ME1: variants seen among roughly 807,000 people sequenced by gnomAD.
ME1 encodes the protein malic enzyme 1, also known as NADP-dependent malic enzyme.
In ME1, 74 loss-of-function variants were observed where a neutral mutation model predicts 66.4. That is an observed-to-expected ratio of 1.11 (90% CI 0.92 to 1.35). The LOEUF (loss-of-function observed/expected upper bound fraction) is 1.35, where lower values mean the gene tolerates loss of function less well. ME1 is among the 40% of genes most tolerant of loss of function. The probability of loss-of-function intolerance (pLI) is 0.00; values close to 1 mark genes in which losing one functional copy is unlikely to be tolerated. For missense variants in ME1, 750 were observed against 694.1 expected (o/e 1.08, Z -0.90); for synonymous variants, 251 against 235.6 (o/e 1.07, Z -0.60).
At chr6:83,255,931 T>A (rs1766760418) in intron 6 of ME1, among the ~76,000 whole-genome samples, 1 of 152,212 alleles carries the variant, frequency 6.6e-6, no homozygotes, top group Admixed American at 6.5e-5. Context: ...CTAACAGTAA[T>A]GATTAGTCTT....
At chr6:83,422,398 A>C (rs957715960) in intron 1 of ME1, among the ~76,000 whole-genome samples, 1 of 152,226 alleles carries the variant, frequency 6.6e-6, no homozygotes, top group Non-Finnish European at 1.5e-5. Context: ...CTTAAGATAC[A>C]ACTGACAGCT....
In ME1 at chr6:83,239,554, G is replaced by A. The variant is rs756085813; in HGVS notation, c.897C>T (p.Phe299=). The change falls in exon 8 of 14, where the codon TTC becomes TTT. Residue 299 remains phenylalanine (F), a synonymous_variant. Transcript: ENST00000369705. ...AGGCAAATACCTCTCCAGCTCCTTG[G>A]AATAGTATTGTTTGATCAGACAGTT... ...KNKLSDQTIL[F]QGAGEAALGI... 3.7e-6 allele frequency: 6 copies of A among 1,612,352 alleles called. No homozygotes were observed. The Admixed American group carries it at 1.0e-4, about 27-fold the overall frequency.
intron 7 of ME1, among the ~76,000 whole-genome samples, chr6:83,248,748 A>C (rs953234905): frequency 6.6e-6 from 1 of 152,168 alleles, no homozygotes; most frequent in Non-Finnish European, 1.5e-5. Flanking sequence ...TTTGCCTTCT[A>C]CGATGATTGT....
chr6:83,392,778 C>T, intron 3 of ME1: 1 of 684,572 alleles, frequency 1.5e-6, no homozygotes, highest in African/African-American at 1.8e-5. Context: ...CGGTCATCAT[C>T]TCTGCACCCT....
intron 6 of ME1, among the ~76,000 whole-genome samples, chr6:83,301,301 C>CTTCT (rs1165136786): frequency 6.2e-5 from 9 of 146,198 alleles, no homozygotes; most frequent in Admixed American, 2.7e-4. Context: ...CCTTTCTTTC[C>CTTCT]TTCTTTCTTT....
chr6:83,372,913 G>A (rs897720775), intron 3 of ME1, among the ~76,000 whole-genome samples: 8 of 152,186 alleles, frequency 5.3e-5, no homozygotes, highest in African/African-American at 1.7e-4. Flanking sequence ...CCACCGGAAA[G>A]AAAGAAATAT....
At chr6:83,249,846 T>C (rs916460414) in intron 7 of ME1, among the ~76,000 whole-genome samples, 1 of 152,158 alleles carries the variant, frequency 6.6e-6, no homozygotes, top group African/African-American at 2.4e-5. Flanking sequence ...TTCAACCCCA[T>C]TGGAATGTCT....
intron 5 of ME1, among the ~76,000 whole-genome samples, chr6:83,323,045 C>T (rs1213222199): frequency 6.6e-6 from 1 of 152,140 alleles, no homozygotes; most frequent in Non-Finnish European, 1.5e-5. Context: ...ATTTCATATA[C>T]AGCCAAGATA....
At chr6:83,281,330 AAAC>A (rs1490437358) in intron 6 of ME1, among the ~76,000 whole-genome samples, 1 of 152,218 alleles carries the variant, frequency 6.6e-6, no homozygotes, top group Non-Finnish European at 1.5e-5. Context: ...GGCACTTAAA[AAAC>A]AACAATTACT....
intron 7 of ME1, among the ~76,000 whole-genome samples, chr6:83,240,328 C>T (rs7747438): frequency 6.6e-6 from 1 of 152,040 alleles, no homozygotes; most frequent in Non-Finnish European, 1.5e-5. Context: ...TATATTGTAT[C>T]ATTTAATAGA....
In ME1 at chr6:83,315,337, T is replaced by C; in HGVS notation, c.677A>G (p.Asp226Gly). Residue 226 changes from aspartate to glycine, a missense_variant, in exon 6 of 14, where the codon GAC becomes GGC. Coordinates refer to ENST00000369705, the MANE Select transcript of ME1 (RefSeq NM_002395.6). Reference protein sequence around the residue: ...VRGSEYDDFLDEFMEAVSSKY... With the variant: ...VRGSEYDDFLGEFMEAVSSKY... Reference sequence around the variant, plus strand: ...GGAAGAAACTGCCTCCATGAATTCGTCCAAAAAATCATCATATTCAGAACC... The same window carrying C: ...GGAAGAAACTGCCTCCATGAATTCGCCCAAAAAATCATCATATTCAGAACC... The C allele has an allele frequency of 6.2e-7, 1 of 1,611,100 alleles. No individual in the cohort carries two copies. The highest frequency in any genetic ancestry group is 2.2e-5 in the East Asian group (1 of 44,730).
intron 3 of ME1, among the ~76,000 whole-genome samples, chr6:83,370,088 G>T (rs1217526245): frequency 6.6e-6 from 1 of 152,050 alleles, no homozygotes; most frequent in Non-Finnish European, 1.5e-5. Context: ...AAAAACTTAG[G>T]TTAAATACAA....
chr6:83,212,903 C>A (rs888356484), intron 13 of ME1, among the ~76,000 whole-genome samples: 1 of 152,152 alleles, frequency 6.6e-6, no homozygotes, highest in Non-Finnish European at 1.5e-5. Flanking sequence ...GAGAAAATGA[C>A]CTTAATTTCC....
chr6:83,324,263 T>A (rs974415816), intron 5 of ME1, among the ~76,000 whole-genome samples: 2 of 150,966 alleles, frequency 1.3e-5, no homozygotes, highest in Admixed American at 1.3e-4. Context: ...CACCCTAACA[T>A]CACAATTAAA....
In ME1 at chr6:83,311,794, G is replaced by A. The variant is rs1268320795; in HGVS notation, c.704+3516C>T. ...AATGCTTAACAATCAGAAGCCAGATGGACACAATTATCATAAGAGTGGCAA... is the reference window on the plus strand; with the variant it reads ...AATGCTTAACAATCAGAAGCCAGATAGACACAATTATCATAAGAGTGGCAA... On this transcript the variant is annotated intron_variant, in intron 6 of 13. Coordinates refer to ENST00000369705, the MANE Select transcript of ME1 (RefSeq NM_002395.6). Among the ~76,000 whole-genome samples, 3 of 152,072 alleles carry A rather than the reference G, an allele frequency of 2.0e-5. No individual in the cohort carries two copies. In the East Asian group the frequency reaches 5.8e-4, roughly 29 times the overall value.
At chr6:83,280,264 T>C (rs1767262966) in intron 6 of ME1, among the ~76,000 whole-genome samples, 1 of 152,100 alleles carries the variant, frequency 6.6e-6, no homozygotes, top group African/African-American at 2.4e-5. Flanking sequence ...TAAAAAATAA[T>C]AACAACAACA....
intron 5 of ME1, among the ~76,000 whole-genome samples, chr6:83,343,954 CT>C (rs1034279090): frequency 6.6e-6 from 1 of 151,734 alleles, no homozygotes; most frequent in South Asian, 2.1e-4. Context: ...TAGTGCACAG[CT>C]TTTTTTTAAT....
intron 7 of ME1, among the ~76,000 whole-genome samples, chr6:83,243,615 C>G (rs183486481): frequency 1.6e-4 from 14 of 88,880 alleles, no homozygotes; most frequent in Admixed American, 1.1e-3. Context: ...TACATTATAT[C>G]GATATAATCT....
intron 2 of ME1, among the ~76,000 whole-genome samples, chr6:83,405,722 G>GTTGTT (rs1326693594): frequency 7.9e-6 from 1 of 126,268 alleles, no homozygotes; most frequent in African/African-American, 3.2e-5. Context: ...TGTTGTTGTT[G>GTTGTT]TTTTTTTTTT....
Sources: allele counts gnomAD v4.1 joint callset (sites outside exome capture counted in the v4.1 genomes callset), GRCh38; gene constraint gnomAD v4.1.1; transcripts MANE v1.5; gene names NCBI Gene and HGNC (gene_info 2026-07-23, HGNC 2026-07-21).